Variants in C2orf49 observed in about 807,000 individuals in gnomAD.
The protein encoded by C2orf49 is tRNA-splicing ligase complex subunit ASW.
A neutral mutation model predicts 20.6 loss-of-function variants in C2orf49; 11 were observed. That is an observed-to-expected ratio of 0.53 (90% confidence interval 0.34 to 0.88). C2orf49 has a LOEUF of 0.88. C2orf49 is among the 40% of genes least tolerant of loss of function. The probability of loss-of-function intolerance (pLI) is 0.02; values close to 1 mark genes in which losing one functional copy is unlikely to be tolerated. For missense variants in C2orf49, 289 were observed against 274.2 expected (o/e 1.05, Z -0.38); for synonymous variants, 134 against 108.5 (o/e 1.24, Z -1.46).
In C2orf49 at chr2:105,342,773, T is replaced by G. The variant is rs1679704494; in HGVS notation, c.267-75T>G. Reference sequence around the variant, plus strand: ...AGAAAATCTTTTTGTTTACTGCTTATTTTAACTTGAATCCCAGTGAACTGG... The same window carrying G: ...AGAAAATCTTTTTGTTTACTGCTTAGTTTAACTTGAATCCCAGTGAACTGG... On this transcript the variant is annotated intron_variant, in intron 2 of 3. Transcript: ENST00000258457. 3.4e-6 allele frequency: 5 copies of G among 1,474,126 alleles called. No homozygotes were observed. In the South Asian group the frequency reaches 7.1e-5, roughly 21 times the overall value. The allele number at this position is 1,474,126 out of a possible 1,614,324, so 91.3% of individuals were successfully genotyped here. A position where few individuals can be genotyped will look rare whatever the true frequency, so the allele number is the denominator to read the frequency against.
the C2orf49 span, among the ~76,000 whole-genome samples, chr2:105,384,751 A>G: frequency 0.011 from 1,682 of 152,094 alleles, 16 homozygotes; most frequent in Non-Finnish European, 0.018. Context: ...CAATTGATTC[A>G]CCCGCCTTGG....
At chr2:105,351,562 T>G (rs1679936781), downstream of C2orf49, among the ~76,000 whole-genome samples, 1 of 152,214 alleles carries the variant, frequency 6.6e-6, no homozygotes, top group Non-Finnish European at 1.5e-5. Flanking sequence ...TTGTTTTGTT[T>G]TGTTTTTTAA....
chr2:105,381,948 T>C, the C2orf49 span, among the ~76,000 whole-genome samples: 1,175 of 152,190 alleles, frequency 7.7e-3, 13 homozygotes, highest in African/African-American at 0.027. Context: ...GGTGGGTTTT[T>C]CAAACCTGAC....
At chr2:105,373,626 G>C in the C2orf49 span, 4 of 1,614,208 alleles carry the variant, frequency 2.5e-6, no homozygotes, top group Non-Finnish European at 3.4e-6. Context: ...AGTCTGTACA[G>C]AGCAGCTGGT....
chr2:105,366,259 G>A, the C2orf49 span, among the ~76,000 whole-genome samples: 32 of 152,114 alleles, frequency 2.1e-4, no homozygotes, highest in African/African-American at 7.7e-4. Context: ...ATGGAAATTG[G>A]TAAGAATACT....
chr2:105,356,446 G>T, the C2orf49 span, among the ~76,000 whole-genome samples: 1 of 151,926 alleles, frequency 6.6e-6, no homozygotes, highest in African/African-American at 2.4e-5. Flanking sequence ...ATGGTGGTGC[G>T]TGCCTGTAGC....
chr2:105,351,304 G>GCC (rs1679926087), downstream of C2orf49, among the ~76,000 whole-genome samples: 7 of 85,670 alleles, frequency 8.2e-5, no homozygotes, highest in African/African-American at 1.3e-4. Context: ...TGTCATTTTT[G>GCC]CCCACCGCGC....
intron 3 of C2orf49, among the ~76,000 whole-genome samples, chr2:105,343,816 A>G (rs1679739054): frequency 6.6e-6 from 1 of 152,066 alleles, no homozygotes; most frequent in Non-Finnish European, 1.5e-5. Context: ...AGTTAACACA[A>G]TGTATTAGAG....
the C2orf49 span, chr2:105,367,786 G>T: frequency 6.4e-7 from 1 of 1,565,104 alleles, no homozygotes; most frequent in South Asian, 1.2e-5. Context: ...GGTTAGAGGG[G>T]TGTGGAGTCC....
chr2:105,360,784 C>T, the C2orf49 span: 1 of 153,894 alleles, frequency 6.5e-6, no homozygotes, highest in South Asian at 2.0e-4. Flanking sequence ...CTCAGTGCCT[C>T]GACCTGTAAT....
At chr2:105,351,519 T>C (rs200872883), downstream of C2orf49, among the ~76,000 whole-genome samples, 1 of 151,916 alleles carries the variant, frequency 6.6e-6, no homozygotes, top group South Asian at 2.1e-4. Context: ...GGATACTTAT[T>C]TTATATTTTG....
the C2orf49 span, chr2:105,367,781 G>C: frequency 1.9e-6 from 3 of 1,570,314 alleles, no homozygotes; most frequent in Admixed American, 5.3e-5. Context: ...GTTATGGTTA[G>C]AGGGGTGTGG....
At chr2:105,370,098 C>T in the C2orf49 span, among the ~76,000 whole-genome samples, 7 of 152,148 alleles carry the variant, frequency 4.6e-5, no homozygotes, top group Admixed American at 4.6e-4. Flanking sequence ...ATGAGGCTGG[C>T]TGCGGTGCCT....
At position 105,343,236 on chromosome 2, in the gene C2orf49, G is replaced by A; in HGVS notation, c.642+13G>A. 6.4e-7 allele frequency: 1 copy of A among 1,554,286 alleles called. No homozygotes were observed. The highest frequency in any genetic ancestry group is 8.6e-7 in the Non-Finnish European group (1 of 1,157,206). ...GGCAGAGGCCATGGTAAGTATGGGG[G>A]TGGTTTCCATGCTGGTAAGTGGTCT... On this transcript the variant is annotated intron_variant, in intron 3 of 3. Transcript: ENST00000258457.
In C2orf49 at chr2:105,345,466, G is replaced by A. The variant is rs143867374; in HGVS notation, c.*95G>A. ...TATTTACAGAAATCCTGATTATTGT[G>A]GAATTTTCTTAAGAGGTTTCAAATA... On this transcript the variant is annotated 3_prime_UTR_variant, in exon 4 of 4. Coordinates refer to ENST00000258457, the MANE Select transcript of C2orf49 (RefSeq NM_024093.3). 3.0e-6 allele frequency: 3 copies of A among 1,015,372 alleles called. No individual in the cohort carries two copies. The highest frequency in any genetic ancestry group is 2.7e-5 in the East Asian group (1 of 37,252). The allele number at this position is 1,015,372 out of a possible 1,614,324, so 62.9% of individuals were successfully genotyped here.
the C2orf49 span, among the ~76,000 whole-genome samples, chr2:105,355,392 G>A: frequency 3.4e-4 from 51 of 152,160 alleles, no homozygotes; most frequent in Admixed American, 7.2e-4. Context: ...AATGACAATC[G>A]TCTCTGCAGG....
the C2orf49 span, chr2:105,377,805 G>A: frequency 9.0e-6 from 3 of 334,678 alleles, no homozygotes; most frequent in Middle Eastern, 2.2e-3. Flanking sequence ...GCTGGGACAA[G>A]AGACCTGAAG....
At chr2:105,377,864 A>G in the C2orf49 span, 1 of 362,618 alleles carries the variant, frequency 2.8e-6, no homozygotes, top group East Asian at 7.4e-5. Context: ...CTCTCTGGGA[A>G]GATAGTTGCT....
chr2:105,358,802 G>A, the C2orf49 span: 1 of 152,206 alleles, frequency 6.6e-6, no homozygotes, highest in African/African-American at 2.4e-5. Context: ...TGGGCTGCTT[G>A]GAGTCTGGCC....
Sources: gnomAD v4.1 joint callset for allele counts (sites outside exome capture counted in the v4.1 genomes callset) on GRCh38, gnomAD v4.1.1 for gene constraint, MANE v1.5 for transcripts, NCBI Gene and HGNC (gene_info 2026-07-23, HGNC 2026-07-21) for gene names.